Variants in PCDHA8 observed in about 807,000 individuals in gnomAD.
The protein encoded by PCDHA8 is protocadherin alpha-8.
PCDHA8 carries 53 observed loss-of-function variants against 61.8 expected under a neutral mutation model. That is an observed-to-expected ratio of 0.86 (90% CI 0.69 to 1.08). PCDHA8 has a LOEUF of 1.08. PCDHA8 is among the 50% of genes least tolerant of loss of function. The pLI is 0.00. For synonymous variants in PCDHA8, 618 were observed against 556.6 expected, an observed-to-expected ratio of 1.11 and a Z score of -1.55; for missense variants, 1,293 against 1,245.0, an observed-to-expected ratio of 1.04 and a Z score of -0.58.
In PCDHA8 at chr5:140,882,469, G is replaced by C; in HGVS notation, c.2394+38754G>C. Reference sequence around the variant, plus strand: ...TGGTGCCGCGCCTGTTCCGGGTGGCGTCCAAAAGACACGGGGACCTTCTGG... The same window carrying C: ...TGGTGCCGCGCCTGTTCCGGGTGGCCTCCAAAAGACACGGGGACCTTCTGG... On this transcript the variant is annotated intron_variant, in intron 1 of 3. Coordinates refer to ENST00000531613, the MANE Select transcript of PCDHA8 (RefSeq NM_018911.3). The C allele has an allele frequency of 1.2e-6, 2 of 1,614,032 alleles. 1 individual carries two copies. Among genetic ancestry groups the C allele is most frequent in the South Asian group, 2.2e-5 (2 of 91,072 alleles).
At chr5:140,942,838 A>G (rs2093377015) in intron 1 of PCDHA8, among the ~76,000 whole-genome samples, 1 of 152,198 alleles carries the variant, frequency 6.6e-6, no homozygotes, top group Non-Finnish European at 1.5e-5. Context: ...GTCAATAAAA[A>G]TTCCAGTAAG....
At chr5:140,957,852 AT>A (rs5871756) in intron 1 of PCDHA8, among the ~76,000 whole-genome samples, 2 of 151,658 alleles carry the variant, frequency 1.3e-5, no homozygotes, top group African/African-American at 2.4e-5. Context: ...GAGTTTGTGT[AT>A]TTTTTTTCCT....
intron 1 of PCDHA8, chr5:140,884,824 T>C: frequency 1.0e-6 from 1 of 993,590 alleles, no homozygotes; most frequent in Non-Finnish European, 1.4e-6. Context: ...ACATTATGTG[T>C]TGGATTATCC....
chr5:140,879,003 G>C (rs781827510), intron 1 of PCDHA8, among the ~76,000 whole-genome samples: 1 of 152,144 alleles, frequency 6.6e-6, no homozygotes, highest in African/African-American at 2.4e-5. Flanking sequence ...GTATGCCCTA[G>C]AAATCAGATA....
chr5:140,870,910 A>G (rs2052532769), intron 1 of PCDHA8: 1 of 1,613,930 alleles, frequency 6.2e-7, no homozygotes, highest in South Asian at 1.1e-5. Context: ...CTCAGGCTAC[A>G]ACGCGTGGCT....
In PCDHA8 at chr5:141,009,805, A is replaced by G. The variant is rs1358613672; in HGVS notation, c.2721A>G (p.Gln907=). The change falls in exon 4 of 4, where the codon CAA becomes CAG. Residue 907 remains glutamine, a synonymous_variant. Transcript: ENST00000531613. ...ISIRQEPTNS[Q]IDKSDFITFG... ...TCCGGCAGGAGCCTACTAACAGCCAAATTGACAAAAGTGACTTCATAACCT... is the reference window on the plus strand; with the variant it reads ...TCCGGCAGGAGCCTACTAACAGCCAGATTGACAAAAGTGACTTCATAACCT... The G allele has an allele frequency of 3.1e-6, 5 of 1,613,974 alleles. No homozygotes were observed. Among genetic ancestry groups the G allele is most frequent in the African/African-American group, 1.3e-5 (1 of 74,898 alleles).
intron 1 of PCDHA8, among the ~76,000 whole-genome samples, chr5:140,898,335 A>C (rs1232674937): frequency 2.6e-5 from 4 of 152,208 alleles, no homozygotes; most frequent in African/African-American, 9.6e-5. Context: ...CTAACGTTTA[A>C]GTCTTTAATC....
intron 1 of PCDHA8, among the ~76,000 whole-genome samples, chr5:140,923,810 T>C (rs1433569913): frequency 6.6e-6 from 1 of 152,202 alleles, no homozygotes; most frequent in Non-Finnish European, 1.5e-5. Flanking sequence ...TGAAATCTTC[T>C]GAAAATAGAC....
chr5:140,982,687 C>T (rs2096996612), intron 3 of PCDHA8, 124 bp downstream of exon 3: 1 of 1,415,822 alleles, frequency 7.1e-7, no homozygotes, highest in Non-Finnish European at 9.3e-7. Flanking sequence ...CCCTTTTTTC[C>T]ATACATACAT....
At chr5:140,877,970 T>A in intron 1 of PCDHA8, 1 of 1,279,190 alleles carries the variant, frequency 7.8e-7, no homozygotes. Flanking sequence ...TTCTTGGTCA[T>A]TCTTACTCAT....
intron 1 of PCDHA8, among the ~76,000 whole-genome samples, chr5:140,938,765 A>G (rs1554212377): frequency 6.6e-6 from 1 of 152,182 alleles, no homozygotes; most frequent in Non-Finnish European, 1.5e-5. Context: ...GTTATTGGGT[A>G]CTAGACTTAG....
At chr5:141,006,222 T>C (rs1463720721) in intron 3 of PCDHA8, among the ~76,000 whole-genome samples, 1 of 152,098 alleles carries the variant, frequency 6.6e-6, no homozygotes, top group Non-Finnish European at 1.5e-5. Flanking sequence ...TTTTAAATTT[T>C]TTATTTTTAG....
chr5:140,846,187 T>C (rs1336642667), intron 1 of PCDHA8, among the ~76,000 whole-genome samples: 1 of 149,366 alleles, frequency 6.7e-6, no homozygotes, highest in Non-Finnish European at 1.5e-5. Flanking sequence ...GGCGTTTGAG[T>C]TCTTTGTATG....
intron 1 of PCDHA8, chr5:140,860,306 G>T (rs991442000): frequency 6.6e-6 from 1 of 152,016 alleles, no homozygotes; most frequent in Non-Finnish European, 1.5e-5. Context: ...GCTTGAGCCT[G>T]GGAAGTTGAG....
intron 1 of PCDHA8, chr5:140,877,040 T>C (rs1252847205): frequency 5.0e-6 from 8 of 1,612,450 alleles, no homozygotes; most frequent in Non-Finnish European, 5.1e-6. Context: ...CTGCAGCCGC[T>C]AGACCACGAG....
At chr5:140,892,013 C>T (rs2063353338) in intron 1 of PCDHA8, among the ~76,000 whole-genome samples, 1 of 152,206 alleles carries the variant, frequency 6.6e-6, no homozygotes, top group South Asian at 2.1e-4. Context: ...GTTATAGCAG[C>T]ACAAATGGTC....
At chr5:140,934,901 T>C (rs1270837168) in intron 1 of PCDHA8, among the ~76,000 whole-genome samples, 1 of 152,192 alleles carries the variant, frequency 6.6e-6, no homozygotes, top group African/African-American at 2.4e-5. Flanking sequence ...CCTTTTATTT[T>C]GGAATAATTA....
chr5:141,008,400 T>A (rs1347375750), intron 3 of PCDHA8, among the ~76,000 whole-genome samples: 3 of 152,082 alleles, frequency 2.0e-5, no homozygotes, highest in African/African-American at 7.2e-5. Context: ...GATGTCAGAG[T>A]TCCAATGTCA....
At chr5:140,999,001 C>T (rs1405051280) in intron 3 of PCDHA8, among the ~76,000 whole-genome samples, 3 of 152,214 alleles carry the variant, frequency 2.0e-5, no homozygotes, top group Non-Finnish European at 4.4e-5. Flanking sequence ...AATGCTGGAG[C>T]TGAGATTTGA....
Sources: gnomAD v4.1 joint callset for allele counts (sites outside exome capture counted in the v4.1 genomes callset) on GRCh38, gnomAD v4.1.1 for gene constraint, MANE v1.5 for transcripts, NCBI Gene and HGNC (gene_info 2026-07-23, HGNC 2026-07-21) for gene names.